TET1: variants seen among roughly 807,000 people sequenced by gnomAD.
TET1 encodes tet methylcytosine dioxygenase 1.
Under a neutral mutation model 148.7 loss-of-function variants are expected in TET1, and 13 were observed. The ratio of observed to expected loss-of-function variants is 0.09; its 90% CI spans 0.06 to 0.14. The LOEUF is 0.14. TET1 is among the 10% of genes least tolerant of loss of function. The probability of loss-of-function intolerance (pLI) is 1.00; values close to 1 mark genes in which losing one functional copy is unlikely to be tolerated. For missense variants in TET1, 2,182 were observed against 2,553.8 expected (o/e 0.85, Z 3.14); for synonymous variants, 907 against 937.2 (o/e 0.97, Z 0.59).
At chr10:68,611,082 C>T (rs954041669) in intron 3 of TET1, among the ~76,000 whole-genome samples, 3 of 152,076 alleles carry the variant, frequency 2.0e-5, no homozygotes, top group African/African-American at 7.2e-5. Flanking sequence ...GTCACAAGGT[C>T]AGGAGTTCGA....
chr10:68,561,638 C>T (rs2053554569), intron 1 of TET1, among the ~76,000 whole-genome samples: 1 of 151,964 alleles, frequency 6.6e-6, no homozygotes, highest in Admixed American at 6.6e-5. Flanking sequence ...AGGAGGCGGC[C>T]GCACAACCTA....
chr10:68,628,272 A>T (rs534893715), intron 3 of TET1, among the ~76,000 whole-genome samples: 63 of 152,350 alleles, frequency 4.1e-4, no homozygotes, highest in Admixed American at 5.9e-4. Flanking sequence ...TAACAAAACA[A>T]ATTGAGAGAA....
intron 6 of TET1, among the ~76,000 whole-genome samples, chr10:68,653,574 T>C (rs1342613827): frequency 6.6e-6 from 1 of 152,244 alleles, no homozygotes; most frequent in African/African-American, 2.4e-5. Flanking sequence ...TCAGTCTTCC[T>C]ATTCTACATA....
At chr10:68,567,747 C>T (rs1246810605) in intron 1 of TET1, among the ~76,000 whole-genome samples, 1 of 149,310 alleles carries the variant, frequency 6.7e-6, no homozygotes, top group Non-Finnish European at 1.5e-5. Flanking sequence ...AGTGAAACTC[C>T]ATCTTAAAAA....
In TET1 at chr10:68,574,126, C is replaced by T. The variant is rs1045070985; in HGVS notation, c.1788C>T (p.Pro596=). The T allele has an allele frequency of 6.2e-7, 1 of 1,614,022 alleles. No homozygotes were observed. The highest frequency in any genetic ancestry group is 1.1e-5 in the South Asian group (1 of 91,086). The change falls in exon 2 of 12, where the codon CCC becomes CCT. Residue 596 remains proline, a synonymous_variant. Transcript: ENST00000373644. ...GAAAGCGATGTGGGGTCTGTGAACC[C>T]TGCCAGCAGAAGACCAACTGTGGTG... ...KKRKRCGVCE[P]CQQKTNCGEC...
At chr10:68,597,304 G>T (rs1444194427) in intron 2 of TET1, among the ~76,000 whole-genome samples, 3 of 152,040 alleles carry the variant, frequency 2.0e-5, no homozygotes, top group African/African-American at 7.3e-5. Flanking sequence ...AAAGTGCTAG[G>T]ATTACAGGCG....
chr10:68,644,617 AGTT>A (rs1364395808), intron 3 of TET1, 78 bp from the exon 4 acceptor site: 8 of 1,356,724 alleles, frequency 5.9e-6, no homozygotes, highest in Non-Finnish European at 7.9e-6. Context: ...CTTTACATTT[AGTT>A]GTTATTAAAT....
chr10:68,615,698 G>T (rs1168322753), intron 3 of TET1, among the ~76,000 whole-genome samples: 1 of 151,896 alleles, frequency 6.6e-6, no homozygotes, highest in African/African-American at 2.4e-5. Flanking sequence ...CACTCTTATT[G>T]TCCAGGCTGG....
chr10:68,596,011 C>CATAT (rs1564959026), intron 2 of TET1, among the ~76,000 whole-genome samples: 19 of 105,848 alleles, frequency 1.8e-4, no homozygotes, highest in African/African-American at 7.1e-4. Flanking sequence ...CACACACACA[C>CATAT]ACACACACAC....
At chr10:68,565,831 T>G (rs1843423958) in intron 1 of TET1, among the ~76,000 whole-genome samples, 1 of 152,178 alleles carries the variant, frequency 6.6e-6, no homozygotes, top group African/African-American at 2.4e-5. Context: ...ATTTTGTTTC[T>G]GGTTGTCTCT....
chr10:68,624,658 TTCTCTCTCTCTCTCTCTCTC>T (rs201414722), intron 3 of TET1, among the ~76,000 whole-genome samples: 97 of 95,246 alleles, frequency 1.0e-3, no homozygotes, highest in Middle Eastern at 6.0e-3. Context: ...CTTTCTTTCT[TTCTCTCTCTCTCTCTCTCTC>T]TCTCTCTCTC....
rs1337667597 is a variant in TET1, at chr10:68,646,183, T to C, written c.3454T>C (p.Ser1152Pro). The C allele has an allele frequency of 6.2e-7, 1 of 1,613,214 alleles. No homozygotes were observed. The highest frequency in any genetic ancestry group is 2.2e-5 in the East Asian group (1 of 44,874). Residue 1152 changes from serine to proline, a missense_variant, in exon 4 of 12, where the codon TCC (serine) becomes CCC (proline). Physicochemically the swap from Ser to Pro is moderately conservative, Grantham distance 74 (BLOSUM62 -1). Coordinates refer to ENST00000373644, the MANE Select transcript of TET1 (RefSeq NM_030625.3). The part of the protein sequence containing the change: ...QKNPTQKKTK[S>P]TPSRDRRKKK... ...GAACCCAACCCAGAAAAAGACAAAA[T>C]CCACCCCATCAAGAGATCGGCGGAA...
intron 2 of TET1, among the ~76,000 whole-genome samples, chr10:68,591,730 G>A (rs1166038467): frequency 2.0e-5 from 3 of 151,762 alleles, no homozygotes; most frequent in Admixed American, 6.6e-5. Context: ...GTGAAACCCC[G>A]TCTCCACTAA....
At chr10:68,668,159 T>A (rs2055219616) in intron 7 of TET1, among the ~76,000 whole-genome samples, 1 of 152,232 alleles carries the variant, frequency 6.6e-6, no homozygotes. Context: ...TTCTCTCTGA[T>A]GGTGCTATTA....
chr10:68,569,703 A>G (rs1326317453), intron 1 of TET1, among the ~76,000 whole-genome samples: 1 of 152,152 alleles, frequency 6.6e-6, no homozygotes, highest in Non-Finnish European at 1.5e-5. Context: ...GCTTGGGGCC[A>G]GGAGTTCAAG....
At position 68,577,587 on chromosome 10, in the gene TET1, C is replaced by G. The variant is rs143211899; in HGVS notation, c.1914+3335C>G. 3.8e-3 allele frequency among the ~76,000 whole-genome samples: 572 copies of G among 152,130 alleles called. 4 individuals are homozygous for G. The highest frequency in any genetic ancestry group is 0.013 in the African/African-American group (543 of 41,540). On this transcript the variant is annotated intron_variant, in intron 2 of 11. Coordinates refer to ENST00000373644, the MANE Select transcript of TET1 (RefSeq NM_030625.3). ...CTTTGGGAGGCCAAGGCAGGCAGAT[C>G]ACCTGAGGTCAGGAGTTTGAGACCA...
intron 2 of TET1, among the ~76,000 whole-genome samples, chr10:68,575,593 T>C (rs10998292): frequency 0.16 from 23,518 of 151,684 alleles, 1,997 homozygotes; most frequent in South Asian, 0.24. Context: ...TCCCAGCTAC[T>C]CAGGAGGCTG....
At chr10:68,624,701 TTTCTTTTCCTTCC>T (rs2054447790) in intron 3 of TET1, among the ~76,000 whole-genome samples, 1 of 144,526 alleles carries the variant, frequency 6.9e-6, no homozygotes, top group Non-Finnish European at 1.5e-5. Context: ...TCTCTCTTTC[TTTCTTTTCCTTCC>T]TTCTTTCTTT....
chr10:68,673,948 CTTTTTCTTTTTCTTTTT>C (rs1486508029), intron 8 of TET1, among the ~76,000 whole-genome samples: 989 of 71,292 alleles, frequency 0.014, 18 homozygotes, highest in African/African-American at 0.045. Flanking sequence ...TTTTTTTTTT[CTTTTTCTTTTTCTTTTT>C]TTTTTTTTTT....
Sources: allele counts gnomAD v4.1 joint callset (sites outside exome capture counted in the v4.1 genomes callset), GRCh38; gene constraint gnomAD v4.1.1; transcripts MANE v1.5; gene names NCBI Gene and HGNC (gene_info 2026-07-23, HGNC 2026-07-21).